The following RAB6B variants were observed in gnomAD, a reference collection of about 807,000 sequenced individuals.
The protein encoded by RAB6B is ras-related protein Rab-6B.
A neutral mutation model predicts 31.2 loss-of-function variants in RAB6B; 7 were observed. The ratio of observed to expected loss-of-function variants is 0.22; its 90% confidence interval spans 0.13 to 0.42. The LOEUF is 0.42. RAB6B is among the 10% of genes least tolerant of loss of function. The pLI is 1.00. For missense variants in RAB6B, 149 were observed against 280.6 expected (o/e 0.53, Z 3.35); for synonymous variants, 105 against 104.9 (o/e 1.00, Z -0.01).
intron 1 of RAB6B, among the ~76,000 whole-genome samples, chr3:133,865,535 C>A (rs1936226440): frequency 6.6e-6 from 1 of 152,246 alleles, no homozygotes; most frequent in African/African-American, 2.4e-5. Context: ...TTAGGACGGG[C>A]CCTGCACGGA....
chr3:133,875,171 C>T (rs931021063), intron 1 of RAB6B, among the ~76,000 whole-genome samples: 2 of 152,184 alleles, frequency 1.3e-5, no homozygotes, highest in South Asian at 2.1e-4. Context: ...TGCGGTCTGT[C>T]GTTAACCAAA....
At position 133,846,260 on chromosome 3, in the gene RAB6B, A is replaced by G. The variant is rs555755693; in HGVS notation, c.130-4597T>C. Among the ~76,000 whole-genome samples, 9 of 152,334 alleles carry G rather than the reference A, an allele frequency of 5.9e-5. No homozygotes were observed. The South Asian group carries it at 1.5e-3, about 25-fold the overall frequency. On this transcript the variant is annotated intron_variant, in intron 2 of 7. Coordinates refer to ENST00000285208, the MANE Select transcript of RAB6B (RefSeq NM_016577.4). ...TCAGGAGTTTGAGACCAGCCTGGCC[A>G]ACACAGTGAAACCCCATCTCTACTA...
intron 1 of RAB6B, among the ~76,000 whole-genome samples, chr3:133,877,157 T>C (rs189027257): frequency 2.0e-5 from 3 of 152,076 alleles, no homozygotes; most frequent in Admixed American, 1.3e-4. Context: ...CTGGAAACCC[T>C]AGGTTGAAAG....
At chr3:133,847,902 A>G (rs1935927728) in intron 2 of RAB6B, among the ~76,000 whole-genome samples, 1 of 152,086 alleles carries the variant, frequency 6.6e-6, no homozygotes, top group African/African-American at 2.4e-5. Context: ...GTTCTCTTCT[A>G]GGATCTTCTT....
chr3:133,854,887 C>T (rs1038438188), intron 2 of RAB6B, among the ~76,000 whole-genome samples: 1 of 152,208 alleles, frequency 6.6e-6, no homozygotes, highest in Non-Finnish European at 1.5e-5. Context: ...AATTTTGTTT[C>T]CACATTCTGA....
intron 1 of RAB6B, among the ~76,000 whole-genome samples, chr3:133,892,755 C>T (rs1268208567): frequency 6.6e-6 from 1 of 152,152 alleles, no homozygotes; most frequent in African/African-American, 2.4e-5. Flanking sequence ...CCTCTGAGGT[C>T]ATATAAAAAG....
At chr3:133,861,857 A>T (rs562737190) in intron 2 of RAB6B, among the ~76,000 whole-genome samples, 1 of 152,238 alleles carries the variant, frequency 6.6e-6, no homozygotes, top group African/African-American at 2.4e-5. Flanking sequence ...TGCTGGAAGG[A>T]TGTCTGAAGG....
At chr3:133,860,556 G>C (rs556232988) in intron 2 of RAB6B, among the ~76,000 whole-genome samples, 2 of 152,234 alleles carry the variant, frequency 1.3e-5, no homozygotes, top group Non-Finnish European at 2.9e-5. Context: ...CCCAGGAGAA[G>C]AGAGAGGAAA....
intron 2 of RAB6B, among the ~76,000 whole-genome samples, chr3:133,862,595 A>G (rs1049699399): frequency 6.6e-6 from 1 of 152,222 alleles, no homozygotes; most frequent in Admixed American, 6.5e-5. Flanking sequence ...AGGCAATGAC[A>G]TGAGTCAAAG....
At chr3:133,878,642 T>C (rs1432984401) in intron 1 of RAB6B, among the ~76,000 whole-genome samples, 1 of 152,242 alleles carries the variant, frequency 6.6e-6, no homozygotes, top group Non-Finnish European at 1.5e-5. Context: ...ATGTAAGATC[T>C]TTCTATTATT....
At chr3:133,870,454 G>C (rs1008422690) in intron 1 of RAB6B, among the ~76,000 whole-genome samples, 15 of 152,220 alleles carry the variant, frequency 9.9e-5, no homozygotes, top group African/African-American at 3.6e-4. Flanking sequence ...AATCTTGCCA[G>C]AGATGGAGGA....
Position 133,827,652 on chromosome 3 carries a change from G to A in RAB6B, c.*1136C>T, listed in dbSNP as rs1223378935. 1 of 543,224 alleles carries A rather than the reference G, an allele frequency of 1.8e-6. No individual in the cohort carries two copies. The highest frequency in any genetic ancestry group is 1.9e-5 in the African/African-American group (1 of 52,210). The allele number at this position is 543,224 out of a possible 1,614,324, so 33.7% of individuals were successfully genotyped here. ...GCCATGCCACTGGGGTGAAAACATA[G>A]CAACAAATCAGCTTTTCCAGAAAGC... On this transcript the variant is annotated 3_prime_UTR_variant, in exon 8 of 8. Transcript: ENST00000285208.
At chr3:133,857,221 G>A (rs745879378) in intron 2 of RAB6B, among the ~76,000 whole-genome samples, 1 of 152,070 alleles carries the variant, frequency 6.6e-6, no homozygotes, top group Non-Finnish European at 1.5e-5. Flanking sequence ...ATACCTATAT[G>A]AGCCATAGTT....
intron 1 of RAB6B, among the ~76,000 whole-genome samples, chr3:133,867,469 A>C (rs760577666): frequency 6.6e-6 from 1 of 152,130 alleles, no homozygotes; most frequent in Non-Finnish European, 1.5e-5. Flanking sequence ...ATTTCACACA[A>C]CGGGCATTAA....
intron 1 of RAB6B, among the ~76,000 whole-genome samples, chr3:133,875,199 A>G (rs1344451108): frequency 6.6e-6 from 1 of 152,242 alleles, no homozygotes; most frequent in Non-Finnish European, 1.5e-5. Context: ...TATGCAGCAC[A>G]TGACTATATA....
intron 1 of RAB6B, among the ~76,000 whole-genome samples, chr3:133,865,186 C>G (rs1936220424): frequency 6.6e-6 from 1 of 152,208 alleles, no homozygotes; most frequent in Non-Finnish European, 1.5e-5. Flanking sequence ...CTTTGTGTAT[C>G]TGACCGTCCA....
intron 7 of RAB6B, among the ~76,000 whole-genome samples, chr3:133,831,657 G>C (rs1424038023): frequency 1.3e-5 from 2 of 152,186 alleles, no homozygotes; most frequent in Non-Finnish European, 2.9e-5. Flanking sequence ...CTGGACCCAT[G>C]TCTAAATAAT....
In RAB6B at chr3:133,827,278, C is replaced by T. The variant is rs1333523016; in HGVS notation, c.*1510G>A. On this transcript the variant is annotated 3_prime_UTR_variant, in exon 8 of 8. Coordinates refer to ENST00000285208, the MANE Select transcript of RAB6B (RefSeq NM_016577.4). ...GTCATTCATCCCATCTATGACATGCCCAGCAGCAGCCTGGAGGGAGAGCCA... is the reference window on the plus strand; with the variant it reads ...GTCATTCATCCCATCTATGACATGCTCAGCAGCAGCCTGGAGGGAGAGCCA... 6.6e-6 allele frequency: 1 copy of T among 152,264 alleles called. No individual in the cohort carries two copies. The highest frequency in any genetic ancestry group is 2.4e-5 in the African/African-American group (1 of 41,460). The allele number at this position is 152,264 out of a possible 1,614,324, so 9.4% of individuals were successfully genotyped here.
At chr3:133,857,371 T>C (rs1342852119) in intron 2 of RAB6B, among the ~76,000 whole-genome samples, 1 of 145,102 alleles carries the variant, frequency 6.9e-6, no homozygotes, top group Non-Finnish European at 1.5e-5. Context: ...GGCCAGGGTC[T>C]CCCAGCGAAG....
Sources: allele counts gnomAD v4.1 joint callset (sites outside exome capture counted in the v4.1 genomes callset), GRCh38; gene constraint gnomAD v4.1.1; transcripts MANE v1.5; gene names NCBI Gene and HGNC (gene_info 2026-07-23, HGNC 2026-07-21).